The following BLK variants were observed in gnomAD, a reference collection of about 807,000 sequenced individuals.
The protein encoded by BLK is BLK proto-oncogene, Src family tyrosine kinase.
In BLK, 64 loss-of-function variants were observed where a neutral mutation model predicts 61.8. The ratio of observed to expected loss-of-function variants is 1.03; its 90% CI spans 0.85 to 1.27. The LOEUF is 1.27. Ranked by LOEUF, BLK falls within the 50% of genes most tolerant of loss-of-function variation. BLK has a pLI of 0.00. For missense variants in BLK, 853 were observed against 660.5 expected, an observed-to-expected ratio of 1.29 and a Z score of -3.19; for synonymous variants, 351 against 272.0, an observed-to-expected ratio of 1.29 and a Z score of -2.86.
chr8:11,510,102 AT>A (rs1798938691), intron 1 of BLK, among the ~76,000 whole-genome samples: 1 of 152,220 alleles, frequency 6.6e-6, no homozygotes, highest in Non-Finnish European at 1.5e-5. Flanking sequence ...GATTGAAAAA[AT>A]AAATGCAGCT....
chr8:11,497,974 G>T (rs1798417851), intron 1 of BLK, among the ~76,000 whole-genome samples: 1 of 152,222 alleles, frequency 6.6e-6, no homozygotes, highest in Non-Finnish European at 1.5e-5. Flanking sequence ...CAGAACCACG[G>T]AATGGGGGTC....
At chr8:11,498,364 G>A (rs779840952) in intron 1 of BLK, among the ~76,000 whole-genome samples, 35 of 152,214 alleles carry the variant, frequency 2.3e-4, no homozygotes, top group Admixed American at 5.2e-4. Flanking sequence ...GAGTTTCCTG[G>A]TGCTCTGAGC....
intron 1 of BLK, among the ~76,000 whole-genome samples, chr8:11,506,673 C>T (rs970027133): frequency 6.6e-5 from 10 of 152,204 alleles, no homozygotes; most frequent in African/African-American, 2.2e-4. Context: ...CCTCATGAGT[C>T]TCAGGAATTC....
At chr8:11,512,702 C>A (rs1463020785) in intron 1 of BLK, among the ~76,000 whole-genome samples, 1 of 152,058 alleles carries the variant, frequency 6.6e-6, no homozygotes, top group Non-Finnish European at 1.5e-5. Context: ...CTTGCTCTGT[C>A]ACCCAGGCTG....
chr8:11,523,897 C>T (rs1799549150), intron 1 of BLK, among the ~76,000 whole-genome samples: 1 of 151,062 alleles, frequency 6.6e-6, no homozygotes, highest in South Asian at 2.1e-4. Flanking sequence ...AAATGGCTTC[C>T]TTCATCACGG....
intron 1 of BLK, among the ~76,000 whole-genome samples, chr8:11,499,685 C>T (rs550149725): frequency 1.4e-3 from 211 of 152,330 alleles, no homozygotes; most frequent in Non-Finnish European, 2.3e-3. Flanking sequence ...TCCAGGAAAT[C>T]CATGCCTCTC....
chr8:11,528,881 A>G (rs1215168216), intron 1 of BLK, among the ~76,000 whole-genome samples: 2 of 152,188 alleles, frequency 1.3e-5, no homozygotes, highest in South Asian at 2.1e-4. Context: ...GTTCTCAATT[A>G]TAAGTGGGAG....
intron 6 of BLK, among the ~76,000 whole-genome samples, chr8:11,551,893 T>G (rs1190571280): frequency 6.6e-6 from 1 of 152,144 alleles, no homozygotes; most frequent in Non-Finnish European, 1.5e-5. Context: ...TCTAAGAGGC[T>G]GAGAGGCTTC....
In BLK at chr8:11,512,939, T is replaced by C. The variant is rs149701765; in HGVS notation, c.-2+18348T>C. Among the ~76,000 whole-genome samples, 908 of 152,330 alleles carry C rather than the reference T, an allele frequency of 6.0e-3. 10 individuals carry two copies. Among genetic ancestry groups the C allele is most frequent in the African/African-American group, 0.021 (864 of 41,562 alleles). On this transcript the variant is annotated intron_variant, in intron 1 of 12. Coordinates refer to ENST00000259089, the MANE Select transcript of BLK (RefSeq NM_001715.3). ...GCTTCGGCCTCCCAGACTGCTGGGA[T>C]TACAGGCGTGAGCCACCGCGGCTGG...
chr8:11,505,138 C>G (rs1418317992), intron 1 of BLK, among the ~76,000 whole-genome samples: 1 of 152,132 alleles, frequency 6.6e-6, no homozygotes, highest in African/African-American at 2.4e-5. Context: ...ACATGCTTAT[C>G]AAAAACAACA....
At chr8:11,539,792 C>T (rs1053231687) in intron 1 of BLK, among the ~76,000 whole-genome samples, 1 of 152,150 alleles carries the variant, frequency 6.6e-6, no homozygotes, top group Non-Finnish European at 1.5e-5. Flanking sequence ...CGTGAAGGAA[C>T]AAATGAAACA....
chr8:11,562,800 A>C (rs867274270), intron 11 of BLK, among the ~76,000 whole-genome samples, 179 bp from the exon 12 acceptor site: 2 of 152,074 alleles, frequency 1.3e-5, no homozygotes, highest in Admixed American at 6.5e-5. Flanking sequence ...GTCTGCACTC[A>C]CCTGGTCATG....
intron 1 of BLK, among the ~76,000 whole-genome samples, chr8:11,495,274 C>T (rs1271876538): frequency 6.6e-6 from 1 of 152,154 alleles, no homozygotes; most frequent in Non-Finnish European, 1.5e-5. Flanking sequence ...CACCCTCATC[C>T]ACCCACATTA....
chr8:11,531,404 T>A lies in BLK; in HGVS notation c.-1-11820T>A, dbSNP rs371525881. Among the ~76,000 whole-genome samples the A allele has an allele frequency of 4.9e-3, 743 of 152,360 alleles. 9 individuals are homozygous for A. Among genetic ancestry groups the A allele is most frequent in the African/African-American group, 0.017 (701 of 41,580 alleles). ...AAGGGAATAGAAGGTCACGTTTGTA[T>A]GCTTCTGACTCATATTCTTTATATC... On this transcript the variant is annotated intron_variant, in intron 1 of 12. Transcript: ENST00000259089.
In BLK at chr8:11,526,767, T is replaced by A. The variant is rs190947421; in HGVS notation, c.-1-16457T>A. Among the ~76,000 whole-genome samples the A allele has an allele frequency of 9.7e-3, 1,485 of 152,324 alleles. 11 individuals carry two copies. The highest frequency in any genetic ancestry group is 0.044 in the Middle Eastern group (13 of 294). ...GTTGTGTTCAGTGCTTATATAATTT[T>A]ACTGTGTTTCATCAGTAGGTTAGTA... is the stretch of plus-strand genomic sequence containing the variant. On this transcript the variant is annotated intron_variant, in intron 1 of 12. Transcript: ENST00000259089.
chr8:11,561,483 C>A (rs747954528), intron 11 of BLK, 31 bp downstream of exon 11: 1 of 1,609,982 alleles, frequency 6.2e-7, no homozygotes, highest in South Asian at 1.1e-5. Flanking sequence ...CAAGGGAAAC[C>A]TAGGGCCTTA....
chr8:11,528,682 TTGTTGGGGTCCAACA>T (rs1194612633), intron 1 of BLK, among the ~76,000 whole-genome samples: 2 of 152,252 alleles, frequency 1.3e-5, no homozygotes. Flanking sequence ...CAAGTGCAAC[TTGTTGGGGTCCAACA>T]TGTGTATAAC....
chr8:11,556,944 A>T, intron 9 of BLK, 107 bp downstream of exon 9: 9 of 1,031,066 alleles, frequency 8.7e-6, no homozygotes, highest in South Asian at 1.4e-5. Flanking sequence ...GGGGTCCTGC[A>T]GATCTAGGGC....
At chr8:11,517,204 C>T (rs1005183322) in intron 1 of BLK, among the ~76,000 whole-genome samples, 18 of 152,260 alleles carry the variant, frequency 1.2e-4, no homozygotes, top group African/African-American at 3.6e-4. Context: ...ACCCGGCTCT[C>T]GGCCAAGGCA....
Sources: gnomAD v4.1 joint callset for allele counts (sites outside exome capture counted in the v4.1 genomes callset) on GRCh38, gnomAD v4.1.1 for gene constraint, MANE v1.5 for transcripts, NCBI Gene and HGNC (gene_info 2026-07-23, HGNC 2026-07-21) for gene names.